RGS6: variants seen among roughly 807,000 people sequenced by gnomAD.
The protein encoded by RGS6 is regulator of G-protein signaling 6.
RGS6 carries 30 observed loss-of-function variants against 78.5 expected under a neutral mutation model. That is an observed-to-expected ratio of 0.38 (90% confidence interval 0.29 to 0.52). The LOEUF (loss-of-function observed/expected upper bound fraction) is 0.52, where lower values mean the gene tolerates loss of function less well. Among genes scored for constraint, RGS6 ranks in the 20% least tolerant of loss-of-function variants. The pLI, the probability that RGS6 is intolerant of heterozygous loss-of-function variation, is 0.85. For synonymous variants in RGS6, 206 were observed against 206.0 expected, an observed-to-expected ratio of 1.00 and a Z score of 0.00; for missense variants, 495 against 609.7, an observed-to-expected ratio of 0.81 and a Z score of 1.98.
chr14:72,207,468 T>C (rs890044594), intron 2 of RGS6, among the ~76,000 whole-genome samples: 5 of 152,222 alleles, frequency 3.3e-5, no homozygotes, highest in Admixed American at 1.3e-4. Flanking sequence ...GTCCACCCTT[T>C]ATGCCTAATC....
At chr14:72,619,431 G>T in the RGS6 span, 1 of 1,494,450 alleles carries the variant, frequency 6.7e-7, no homozygotes, top group Non-Finnish European at 9.0e-7. Flanking sequence ...CACCCCACTG[G>T]CCCTAACTTC....
intron 2 of RGS6, among the ~76,000 whole-genome samples, chr14:72,071,145 CATT>C (rs986186584): frequency 2.2e-4 from 33 of 152,024 alleles, no homozygotes; most frequent in African/African-American, 7.5e-4. Flanking sequence ...TATTTTTAAA[CATT>C]ATGTGAATTG....
intron 2 of RGS6, among the ~76,000 whole-genome samples, chr14:72,156,175 C>T (rs2096767537): frequency 1.3e-5 from 2 of 152,162 alleles, no homozygotes; most frequent in African/African-American, 2.4e-5. Flanking sequence ...TGGCTGGGCG[C>T]AGTGGCTTAC....
chr14:72,217,593 G>T (rs994582290), intron 2 of RGS6, among the ~76,000 whole-genome samples: 1 of 152,076 alleles, frequency 6.6e-6, no homozygotes, highest in Non-Finnish European at 1.5e-5. Context: ...TTGTAACCAG[G>T]AATGCAAATA....
At chr14:72,255,966 T>A (rs2056987880) in intron 2 of RGS6, among the ~76,000 whole-genome samples, 1 of 152,200 alleles carries the variant, frequency 6.6e-6, no homozygotes, top group African/African-American at 2.4e-5. Flanking sequence ...TGCAACTTCT[T>A]TGAACGCATA....
chr14:72,324,549 C>A (rs2073157936), intron 2 of RGS6, among the ~76,000 whole-genome samples: 1 of 152,102 alleles, frequency 6.6e-6, no homozygotes, highest in African/African-American at 2.4e-5. Context: ...TGTTCCCCAC[C>A]CTGTGTCCAA....
the RGS6 span, among the ~76,000 whole-genome samples, chr14:71,911,285 G>A: frequency 2.0e-5 from 3 of 152,262 alleles, no homozygotes; most frequent in Admixed American, 1.3e-4. Flanking sequence ...TCAACACCTC[G>A]ATTCAAGAAC....
chr14:72,586,107 C>A, the RGS6 span, among the ~76,000 whole-genome samples: 1 of 152,228 alleles, frequency 6.6e-6, no homozygotes, highest in East Asian at 1.9e-4. Context: ...CTCCCACTGA[C>A]TCCTCTGTCC....
intron 2 of RGS6, among the ~76,000 whole-genome samples, chr14:72,223,520 A>G (rs1175036608): frequency 6.6e-6 from 1 of 152,230 alleles, no homozygotes; most frequent in Non-Finnish European, 1.5e-5. Context: ...TTATGCTTAG[A>G]ACACTTACTG....
intron 3 of RGS6, among the ~76,000 whole-genome samples, chr14:72,374,622 A>G (rs2084248960): frequency 6.6e-6 from 1 of 152,234 alleles, no homozygotes; most frequent in African/African-American, 2.4e-5. Context: ...CAGAACAAAA[A>G]AATTTCCAGA....
At chr14:71,965,067 T>C (rs2093433146) in intron 2 of RGS6, among the ~76,000 whole-genome samples, 192 bp downstream of exon 2, 1 of 152,266 alleles carries the variant, frequency 6.6e-6, no homozygotes, top group African/African-American at 2.4e-5. Context: ...TATTTAACAC[T>C]TGAAAAATAT....
chr14:72,302,222 C>T (rs185366878), intron 2 of RGS6, among the ~76,000 whole-genome samples: 5 of 152,232 alleles, frequency 3.3e-5, no homozygotes, highest in South Asian at 2.1e-4. Context: ...TAATAAGAGC[C>T]GGCACTATCA....
At chr14:72,325,655 A>T (rs1567759673) in intron 2 of RGS6, among the ~76,000 whole-genome samples, 1 of 152,082 alleles carries the variant, frequency 6.6e-6, no homozygotes, top group East Asian at 1.9e-4. Flanking sequence ...ACAAAGGACT[A>T]TTCTTCTTAA....
chr14:72,243,145 C>T (rs1030613592), intron 2 of RGS6, among the ~76,000 whole-genome samples: 3 of 152,194 alleles, frequency 2.0e-5, no homozygotes. Context: ...CCACTGCACC[C>T]GGCCTTCCAA....
intron 3 of RGS6, among the ~76,000 whole-genome samples, chr14:72,411,691 T>C (rs2093424620): frequency 6.6e-6 from 1 of 152,206 alleles, no homozygotes; most frequent in African/African-American, 2.4e-5. Flanking sequence ...CAGTATGATA[T>C]TGGCTGTGGG....
intron 12 of RGS6, among the ~76,000 whole-genome samples, chr14:72,482,100 G>A (rs369766444): frequency 1.3e-5 from 2 of 152,056 alleles, no homozygotes; most frequent in South Asian, 2.1e-4. Context: ...ATGAGCCACC[G>A]CTCCCGGCCT....
intron 3 of RGS6, among the ~76,000 whole-genome samples, chr14:72,360,563 C>G (rs1596263056): frequency 6.6e-6 from 1 of 150,856 alleles, no homozygotes; most frequent in Admixed American, 6.7e-5. Flanking sequence ...AGAAAGGAGG[C>G]ATAATAGATG....
At chr14:71,956,330 A>T (rs986181725) in intron 1 of RGS6, among the ~76,000 whole-genome samples, 7 of 74,356 alleles carry the variant, frequency 9.4e-5, no homozygotes, top group East Asian at 4.4e-4. Flanking sequence ...CAGAACTAAT[A>T]GTGTGTGTGT....
chr14:72,099,795 A>G (rs1435301805), intron 2 of RGS6, among the ~76,000 whole-genome samples: 1 of 152,174 alleles, frequency 6.6e-6, no homozygotes, highest in South Asian at 2.1e-4. Flanking sequence ...CAGTAGTGAT[A>G]GTCATTAGTA....
Sources: allele counts gnomAD v4.1 joint callset (sites outside exome capture counted in the v4.1 genomes callset), GRCh38; gene constraint gnomAD v4.1.1; transcripts MANE v1.5; gene names NCBI Gene and HGNC (gene_info 2026-07-23, HGNC 2026-07-21).